Variants in VPS13B observed in about 807,000 individuals in gnomAD.
VPS13B encodes intermembrane lipid transfer protein VPS13B.
Under a neutral mutation model 426.4 loss-of-function variants are expected in VPS13B, and 285 were observed. The ratio of observed to expected loss-of-function variants is 0.67; its 90% CI spans 0.61 to 0.74. The LOEUF (loss-of-function observed/expected upper bound fraction) is 0.74. Among genes scored for constraint, VPS13B ranks in the 30% least tolerant of loss-of-function variants. The pLI, the probability that VPS13B is intolerant of heterozygous loss-of-function variation, is 0.00. For synonymous variants in VPS13B, 1,676 were observed against 1,676.4 expected (o/e 1.00, Z 0.01); for missense variants, 4,537 against 4,782.6 (o/e 0.95, Z 1.51).
rs775071483 is a variant in VPS13B at position 99,481,745 on chromosome 8, A to G, written c.3813A>G (p.Thr1271=). ...CTCCAGTTAGAAGCAGTATAGGCACAGCTCCTCCAGATACCAGCACATGCA... is the reference window on the plus strand; with the variant it reads ...CTCCAGTTAGAAGCAGTATAGGCACGGCTCCTCCAGATACCAGCACATGCA... ...PTSPVRSSIG[T]APPDTSTCSP... Residue 1271 remains threonine, a synonymous_variant, in exon 25 of 62, where the codon ACA becomes ACG. Transcript: ENST00000357162. 25 of 1,613,888 alleles carry G rather than the reference A, an allele frequency of 1.5e-5. No homozygotes were observed. The Admixed American group carries it at 4.0e-4, about 26-fold the overall frequency.
chr8:99,875,808 C>A lies in VPS13B; in HGVS notation c.*142C>A. 1 of 1,047,758 alleles carries A rather than the reference C, an allele frequency of 9.5e-7. No individual in the cohort carries two copies. Among genetic ancestry groups the A allele is most frequent in the Non-Finnish European group, 1.4e-6 (1 of 708,540 alleles). The allele number at this position is 1,047,758 out of a possible 1,614,324, so 64.9% of individuals were successfully genotyped here. On this transcript the variant is annotated 3_prime_UTR_variant, in exon 62 of 62. Coordinates refer to ENST00000357162, the MANE Select transcript of VPS13B (RefSeq NM_152564.5). ...CACCTCAACCCACAAGTAGCTACGA[C>A]TGCAAGCACCTGCCACCATAAAGGG...
chr8:99,123,677 A>G (rs1026433800), intron 8 of VPS13B, among the ~76,000 whole-genome samples: 3 of 152,104 alleles, frequency 2.0e-5, no homozygotes, highest in African/African-American at 4.8e-5. Context: ...GAGGTGATGA[A>G]AAGTGATTGT....
At chr8:99,623,269 G>A (rs544815261) in intron 33 of VPS13B, among the ~76,000 whole-genome samples, 2 of 152,216 alleles carry the variant, frequency 1.3e-5, no homozygotes, top group South Asian at 4.2e-4. Flanking sequence ...TTTACTCAAT[G>A]TCTCCTCCTT....
chr8:99,528,307 T>C (rs938485236), intron 30 of VPS13B, among the ~76,000 whole-genome samples: 1 of 152,098 alleles, frequency 6.6e-6, no homozygotes, highest in African/African-American at 2.4e-5. Context: ...CTTTGAGACA[T>C]TTATGCCCTT....
At position 99,384,255 on chromosome 8, in the gene VPS13B, C is replaced by T; in HGVS notation, c.2872C>T (p.Pro958Ser). 6 of 1,613,734 alleles carry T rather than the reference C, an allele frequency of 3.7e-6. No homozygotes were observed. Among genetic ancestry groups the T allele is most frequent in the Non-Finnish European group, 5.1e-6 (6 of 1,179,890 alleles). The change falls in exon 20 of 62, where the codon CCA (proline) becomes TCA (serine). Residue 958 changes from proline (P) to serine (S), a missense_variant. By Grantham distance (74) the Pro-to-Ser change is moderately conservative. Transcript: ENST00000357162. ...ACAAGGACTAGCAGTTAATATTGAC[C>T]CAATCTTATATACGTGGCTCATCTA... Reference protein sequence around the residue: ...SIQGLAVNIDPILYTWLIYQP... With the variant: ...SIQGLAVNIDSILYTWLIYQP...
chr8:99,414,850 AT>A (rs1257852492), intron 21 of VPS13B, among the ~76,000 whole-genome samples: 5 of 151,696 alleles, frequency 3.3e-5, no homozygotes, highest in Non-Finnish European at 7.4e-5. Context: ...TTCCCTTAAC[AT>A]TTTTTCCTTC....
intron 2 of VPS13B, among the ~76,000 whole-genome samples, chr8:99,016,648 G>A (rs1220779444): frequency 7.2e-6 from 1 of 139,550 alleles, no homozygotes; most frequent in Non-Finnish European, 1.5e-5. Flanking sequence ...CTGGAGTGCA[G>A]TGGTGCGATC....
chr8:99,788,017 A>G (rs954269553), intron 43 of VPS13B, among the ~76,000 whole-genome samples: 3 of 152,088 alleles, frequency 2.0e-5, no homozygotes, highest in Non-Finnish European at 4.4e-5. Flanking sequence ...TTTATCCAAA[A>G]TGAATATAAC....
intron 36 of VPS13B, 49 bp from the exon 37 acceptor site, chr8:99,717,121 AT>A (rs747458031): frequency 2.7e-4 from 412 of 1,519,370 alleles, no homozygotes; most frequent in Non-Finnish European, 3.5e-4. Flanking sequence ...TTTCCCAAAC[AT>A]TTTTTTTGAT....
rs920508184 is a variant in VPS13B, at chr8:99,740,879, G to A, written c.7050+19832G>A. Among the ~76,000 whole-genome samples, 28 of 151,992 alleles carry A rather than the reference G, an allele frequency of 1.8e-4. 1 individual carries two copies. The highest frequency in any genetic ancestry group is 6.8e-4 in the African/African-American group (28 of 41,364). On this transcript the variant is annotated intron_variant, in intron 39 of 61. Transcript: ENST00000357162. ...AGCCACTGCAAAATCATGCCAAATT[G>A]TAAAGACCATCGAGGCTAGGAAGAA...
chr8:99,678,157 A>G (rs1788147), intron 35 of VPS13B, among the ~76,000 whole-genome samples: 20,837 of 152,128 alleles, frequency 0.14, 1,975 homozygotes, highest in East Asian at 0.39. Flanking sequence ...TTCCTTTATC[A>G]TAGTCTTCAA....
intron 16 of VPS13B, among the ~76,000 whole-genome samples, chr8:99,175,419 A>G (rs768296927): frequency 4.6e-5 from 7 of 152,226 alleles, no homozygotes; most frequent in Non-Finnish European, 7.3e-5. Context: ...TTATGAATGC[A>G]TACAATTTAT....
At chr8:99,586,924 C>T (rs926660981) in intron 33 of VPS13B, among the ~76,000 whole-genome samples, 11 of 152,096 alleles carry the variant, frequency 7.2e-5, no homozygotes, top group South Asian at 2.1e-4. Flanking sequence ...GTTTGCTGCA[C>T]GCATTAACTC....
chr8:99,667,913 T>G (rs1018933746), intron 35 of VPS13B, among the ~76,000 whole-genome samples: 1 of 152,168 alleles, frequency 6.6e-6, no homozygotes, highest in African/African-American at 2.4e-5. Context: ...TCATTTATGT[T>G]GAGATTGGGC....
chr8:99,060,765 G>A (rs978634727), intron 3 of VPS13B, among the ~76,000 whole-genome samples: 1 of 151,776 alleles, frequency 6.6e-6, no homozygotes, highest in Non-Finnish European at 1.5e-5. Flanking sequence ...TTTAGTTCTT[G>A]TTTGCCATAA....
chr8:99,500,283 T>C (rs1821157919), intron 25 of VPS13B, among the ~76,000 whole-genome samples: 1 of 152,114 alleles, frequency 6.6e-6, no homozygotes, highest in South Asian at 2.1e-4. Context: ...AATAAACTAT[T>C]GGAGGTTGAG....
chr8:99,449,251 G>A (rs1235251822), intron 23 of VPS13B, among the ~76,000 whole-genome samples: 2 of 152,106 alleles, frequency 1.3e-5, no homozygotes, highest in African/African-American at 2.4e-5. Flanking sequence ...ATAACTCCGT[G>A]GTTCTTAGCT....
intron 39 of VPS13B, among the ~76,000 whole-genome samples, chr8:99,747,950 C>T (rs959326181): frequency 3.3e-5 from 5 of 151,904 alleles, no homozygotes; most frequent in African/African-American, 1.2e-4. Context: ...AAGACCTAGT[C>T]TATGGGCACC....
At chr8:99,616,395 C>A (rs1238910755) in intron 33 of VPS13B, among the ~76,000 whole-genome samples, 2 of 152,150 alleles carry the variant, frequency 1.3e-5, no homozygotes, top group East Asian at 1.9e-4. Flanking sequence ...ATGATCAGTT[C>A]TGCCTATAGG....
Sources: gnomAD v4.1 joint callset for allele counts (sites outside exome capture counted in the v4.1 genomes callset) on GRCh38, gnomAD v4.1.1 for gene constraint, MANE v1.5 for transcripts, NCBI Gene and HGNC (gene_info 2026-07-23, HGNC 2026-07-21) for gene names.